KIF23: variants seen among roughly 807,000 people sequenced by gnomAD.
KIF23 encodes kinesin-like protein KIF23.
In KIF23, 30 loss-of-function variants were observed where a neutral mutation model predicts 137.5. The ratio of observed to expected loss-of-function variants is 0.22; its 90% CI spans 0.16 to 0.30. KIF23 has a LOEUF of 0.30. Ranked by LOEUF, KIF23 falls within the 10% of genes least tolerant of loss-of-function variation. The probability of loss-of-function intolerance (pLI) is 1.00; values close to 1 mark genes in which losing one functional copy is unlikely to be tolerated. For missense variants in KIF23, 920 were observed against 1,194.3 expected, an observed-to-expected ratio of 0.77 and a Z score of 3.38; for synonymous variants, 367 against 391.1, an observed-to-expected ratio of 0.94 and a Z score of 0.73.
chr15:69,442,266 C>T (rs2057640105), intron 19 of KIF23, among the ~76,000 whole-genome samples: 1 of 152,062 alleles, frequency 6.6e-6, no homozygotes, highest in Admixed American at 6.6e-5. Flanking sequence ...AATCTTGAGG[C>T]ATTTATCTCA....
chr15:69,422,695 G>A (rs554678609), intron 6 of KIF23, among the ~76,000 whole-genome samples: 4 of 152,286 alleles, frequency 2.6e-5, no homozygotes, highest in African/African-American at 9.6e-5. Context: ...TCGGGAGGAC[G>A]TGGGAATACT....
intron 6 of KIF23, chr15:69,422,804 C>T: frequency 4.7e-6 from 1 of 212,720 alleles, no homozygotes; most frequent in South Asian, 8.4e-5. Context: ...GGATCAGTTA[C>T]TTTTTTTTTT....
rs572898873 is a variant in KIF23, at chr15:69,444,948, T to C, written c.2580T>C (p.Val860=). 13 of 1,614,142 alleles carry C rather than the reference T, an allele frequency of 8.1e-6. No individual in the cohort carries two copies. Among genetic ancestry groups the C allele is most frequent in the Non-Finnish European group, 1.0e-5 (12 of 1,180,030 alleles). The change falls in exon 20 of 24, where the codon GTT becomes GTC. Residue 860 remains valine (V), a synonymous_variant. Coordinates refer to ENST00000679126, the MANE Select transcript of KIF23 (RefSeq NM_001367805.3). This position sits in a 1 kb window ranked among gnomAD's most constrained non-coding sequence, Gnocchi z 4.2. The part of the protein sequence containing the change: ...PHVPHAITVS[V]ANEKALAKCE... The stretch of plus-strand genomic sequence containing the variant: ...TCCCTCATGCCATCACAGTATCTGT[T>C]GCAAATGAAAAGGCACTAGCTAAGT...
At chr15:69,443,588 A>G (rs1389758185) in intron 19 of KIF23, 1 of 151,916 alleles carries the variant, frequency 6.6e-6, no homozygotes, top group African/African-American at 2.4e-5. Context: ...TCAGCCTCAC[A>G]AATGTTGGGA....
At chr15:69,427,416 A>G in intron 10 of KIF23, 1 of 456,068 alleles carries the variant, frequency 2.2e-6, no homozygotes, top group South Asian at 1.5e-5. Context: ...TTTTGCTGTG[A>G]AAAAAGTTTG....
chr15:69,442,977 A>G (rs1310136431), intron 19 of KIF23, among the ~76,000 whole-genome samples: 4 of 152,190 alleles, frequency 2.6e-5, no homozygotes, highest in African/African-American at 4.8e-5. Flanking sequence ...CATCTTTCTG[A>G]AGTGTGTTTC....
At chr15:69,439,850 G>A in intron 16 of KIF23, 54 bp from the exon 17 acceptor site, 1 of 1,333,502 alleles carries the variant, frequency 7.5e-7, no homozygotes, top group Non-Finnish European at 1.0e-6. Flanking sequence ...CTATTTTATA[G>A]CGACATGAAA....
Position 69,422,106 on chromosome 15 carries a change from G to A in KIF23, c.431G>A (p.Gly144Glu), listed in dbSNP as rs758885320. The change falls in exon 5 of 24, where the codon GGG becomes GAG. Residue 144 changes from glycine to glutamate, a missense_variant. Gly to Glu is a moderately conservative substitution (Grantham distance 98). This residue lies in a region of KIF23 where 714 missense variants were observed against 866.2 expected (regional missense o/e 0.82). Transcript: ENST00000679126. ...TTGGACATGATCTTTAACAGTATAG[G>A]GTCATTTCAAGCTAAACGATATGTA... ...RCLDMIFNSI[G>E]SFQAKRYVFK... The A allele has an allele frequency of 1.9e-6, 3 of 1,613,744 alleles. No individual in the cohort carries two copies. Among genetic ancestry groups the A allele is most frequent in the African/African-American group, 2.7e-5 (2 of 74,984 alleles).
chr15:69,433,282 C>T (rs1048059949), intron 11 of KIF23, among the ~76,000 whole-genome samples: 2 of 152,170 alleles, frequency 1.3e-5, no homozygotes, highest in Non-Finnish European at 2.9e-5. Flanking sequence ...AAAGCATAAT[C>T]GAGTTAGCTG....
intron 11 of KIF23, chr15:69,434,908 C>G (rs1436787432): frequency 8.5e-6 from 6 of 709,776 alleles, no homozygotes; most frequent in Non-Finnish European, 1.5e-5. Flanking sequence ...ATGCCCAGCT[C>G]CAGCTCGTGG....
chr15:69,442,118 C>A (rs2057636551), intron 19 of KIF23, among the ~76,000 whole-genome samples: 2 of 152,230 alleles, frequency 1.3e-5, no homozygotes, highest in South Asian at 4.1e-4. Flanking sequence ...ATGATTATGT[C>A]TTTCATCTCT....
chr15:69,436,681 A>T lies in KIF23; in HGVS notation c.1556A>T (p.His519Leu). 2 of 1,606,498 alleles carry T rather than the reference A, an allele frequency of 1.2e-6. No individual in the cohort carries two copies. The highest frequency in any genetic ancestry group is 1.7e-6 in the Non-Finnish European group (2 of 1,175,264). The part of the protein sequence containing the change: ...PRLIEALEKR[H>L]NLRQMMIDEF... Reference sequence around the variant, plus strand: ...CTGATTGAAGCCTTAGAGAAACGACATAACTTACGACAAATGATGATTGAT... The same window carrying T: ...CTGATTGAAGCCTTAGAGAAACGACTTAACTTACGACAAATGATGATTGAT... Residue 519 changes from histidine (H) to leucine (L), a missense_variant, in exon 15 of 24, where the codon CAT (histidine) becomes CTT (leucine). His to Leu is a moderately conservative substitution (Grantham distance 99, BLOSUM62 -3). Transcript: ENST00000679126.
intron 11 of KIF23, among the ~76,000 whole-genome samples, chr15:69,434,011 TA>T (rs1394547008): frequency 6.6e-6 from 1 of 152,254 alleles, no homozygotes; most frequent in Non-Finnish European, 1.5e-5. Context: ...CAAATTGATT[TA>T]GTGGCTCTGG....
chr15:69,434,896 C>G, intron 11 of KIF23: 1 of 716,082 alleles, frequency 1.4e-6, no homozygotes, highest in Non-Finnish European at 2.4e-6. Context: ...TTGCCCATCA[C>G]CATGCCCAGC....
In KIF23 at chr15:69,441,945, A is replaced by G. The variant is rs181605859; in HGVS notation, c.2421+866A>G. ...ACCATGCTAATTTTTTATTTTCAGT[A>G]GAGACAAGGTCTCACCATGTTGCCC... On this transcript the variant is annotated intron_variant, in intron 19 of 23. Coordinates refer to ENST00000679126, the MANE Select transcript of KIF23 (RefSeq NM_001367805.3). Among the ~76,000 whole-genome samples, 376 of 152,034 alleles carry G rather than the reference A, an allele frequency of 2.5e-3. 1 individual carries two copies. Among genetic ancestry groups the G allele is most frequent in the African/African-American group, 8.6e-3 (357 of 41,486 alleles).
chr15:69,445,686 G>C (rs1298827917), intron 20 of KIF23, among the ~76,000 whole-genome samples: 1 of 152,132 alleles, frequency 6.6e-6, no homozygotes, highest in African/African-American at 2.4e-5. Context: ...CCATGCCTTA[G>C]AGCGTGTAGA....
intron 1 of KIF23, 36 bp downstream of exon 1, chr15:69,414,512 G>A (rs1391182556): frequency 1.3e-6 from 2 of 1,550,730 alleles, no homozygotes; most frequent in Admixed American, 3.8e-5. Context: ...AGAGAGGGCG[G>A]ACGGGGGCCG....
chr15:69,427,384 A>G (rs752255263), intron 10 of KIF23: 1 of 455,962 alleles, frequency 2.2e-6, no homozygotes. Context: ...GGGAAGCTGG[A>G]TATCGAATCT....
chr15:69,421,507 C>T, intron 3 of KIF23, 140 bp from the exon 4 acceptor site: 1 of 565,830 alleles, frequency 1.8e-6, no homozygotes, highest in Non-Finnish European at 3.2e-6. Context: ...CTAAGGGTTC[C>T]AACTGTAAAA....
Sources: allele counts gnomAD v4.1 joint callset (sites outside exome capture counted in the v4.1 genomes callset), GRCh38; gene constraint gnomAD v4.1.1; regional missense constraint gnomAD v4.1.1; non-coding constraint Gnocchi (gnomAD v3.1); transcripts MANE v1.5; gene names NCBI Gene and HGNC (gene_info 2026-07-23, HGNC 2026-07-21).